The following ESCO2 variants were observed in gnomAD, a reference collection of about 807,000 sequenced individuals.
ESCO2 encodes the protein establishment of sister chromatid cohesion N-acetyltransferase 2, also known as N-acetyltransferase ESCO2.
Under a neutral mutation model 61.7 loss-of-function variants are expected in ESCO2, and 51 were observed. The observed-to-expected ratio is 0.83, with a 90% CI of 0.66 to 1.04. The LOEUF is 1.04. Among genes scored for constraint, ESCO2 ranks in the 50% least tolerant of loss-of-function variants. The probability of loss-of-function intolerance (pLI) is 0.00; values close to 1 mark genes in which losing one functional copy is unlikely to be tolerated. For missense variants in ESCO2, 692 were observed against 686.2 expected, an observed-to-expected ratio of 1.01 and a Z score of -0.09; for synonymous variants, 230 against 238.2, an observed-to-expected ratio of 0.97 and a Z score of 0.32.
At chr8:27,813,411 T>C (rs1391395794), downstream of ESCO2, among the ~76,000 whole-genome samples, 1 of 152,168 alleles carries the variant, frequency 6.6e-6, no homozygotes, top group Non-Finnish European at 1.5e-5. Context: ...TGTATACCTA[T>C]GTAACAAACC....
chr8:27,806,341 T>C (rs2128959845), downstream of ESCO2, among the ~76,000 whole-genome samples: 1 of 152,342 alleles, frequency 6.6e-6, no homozygotes, highest in South Asian at 2.1e-4. Flanking sequence ...TATTTCTGCC[T>C]GTGTATTCTT....
At position 27,780,223 on chromosome 8, in the gene ESCO2, A is replaced by G. The variant is rs760736611; in HGVS notation, c.911A>G (p.Asn304Ser). 2.5e-6 allele frequency: 4 copies of G among 1,612,670 alleles called. No individual in the cohort carries two copies. The highest frequency in any genetic ancestry group is 3.4e-6 in the Non-Finnish European group (4 of 1,179,064). The change falls in exon 4 of 11, where the codon AAT (asparagine) becomes AGT (serine). Residue 304 changes from asparagine to serine, a missense_variant. Transcript: ENST00000305188. Reference sequence around the variant, plus strand: ...TCAAAGGAACATAAAGTTGATAAAAATGAGGCTTTTTCTTCAGAGGATTCT... The same window carrying G: ...TCAAAGGAACATAAAGTTGATAAAAGTGAGGCTTTTTCTTCAGAGGATTCT... ...VSSKEHKVDK[N>S]EAFSSEDSLG...
At chr8:27,810,997 T>A (rs1413294010), downstream of ESCO2, 1 of 1,610,948 alleles carries the variant, frequency 6.2e-7, no homozygotes, top group Admixed American at 1.7e-5. Context: ...ATGTGTGGAA[T>A]CGATAAAGTC....
intron 5 of ESCO2, among the ~76,000 whole-genome samples, chr8:27,785,462 G>T (rs1380414946): frequency 6.6e-6 from 1 of 152,188 alleles, no homozygotes; most frequent in African/African-American, 2.4e-5. Context: ...AGCACTTTGG[G>T]AGGCCGAGGT....
rs1228161996 is a variant in ESCO2 at position 27,802,637 on chromosome 8, ATATATATATATATATATAT to A, written c.1674-650_1674-632del. Among the ~76,000 whole-genome samples, 99 of 59,104 alleles carry A rather than the reference ATATATATATATATATATAT, an allele frequency of 1.7e-3. No individual in the cohort carries two copies. In the South Asian group the frequency reaches 0.02, roughly 12 times the overall value. 38.8% of individuals were successfully genotyped at this position (59,104 alleles called of 152,430 possible). A position where few individuals can be genotyped will look rare whatever the true frequency, so the allele number is the denominator to read the frequency against. On this transcript the variant is annotated intron_variant, in intron 10 of 10. Coordinates refer to ENST00000305188, the MANE Select transcript of ESCO2 (RefSeq NM_001017420.3). Reference sequence around the variant, plus strand: ...AAAAAAAAAAAAAAAAAAAATATATATATATATATATATATATATTATATATATATATATATAGTTACTG... The same window carrying A: ...AAAAAAAAAAAAAAAAAAAATATATATATATATATATATATATAGTTACTG...
At position 27,776,613 on chromosome 8, in the gene ESCO2, T is replaced by TA. The variant is rs80359847; in HGVS notation, c.309dup (p.Glu104ArgfsTer3). On this transcript the variant is annotated frameshift_variant, in exon 3 of 11. Coordinates refer to ENST00000305188, the MANE Select transcript of ESCO2 (RefSeq NM_001017420.3). LOFTEE classifies it high-confidence loss of function. ...CTCAATCCACTGGAGAGAAAGCTGA[T>TA]AAAAGAGAGTAGATCTACTTGTCTA... 6.2e-7 allele frequency: 1 copy of TA among 1,614,042 alleles called. No individual in the cohort carries two copies. The highest frequency in any genetic ancestry group is 1.1e-5 in the South Asian group (1 of 91,072).
At chr8:27,816,372 TA>T (rs1805813845), downstream of ESCO2, among the ~76,000 whole-genome samples, 1 of 110,246 alleles carries the variant, frequency 9.1e-6, no homozygotes, top group African/African-American at 3.4e-5. Context: ...TTTATTTATT[TA>T]TTTATTTTAA....
rs1805525088 is a variant in ESCO2, at chr8:27,804,769, A to G, written c.*1331A>G. ...AAAGAATGTGGAAGTATTAAAATGT[A>G]TGTAATTATGCAAACATTTTAATGC... On this transcript the variant is annotated 3_prime_UTR_variant, in exon 11 of 11. Coordinates refer to ENST00000305188, the MANE Select transcript of ESCO2 (RefSeq NM_001017420.3). 1.0e-6 allele frequency: 1 copy of G among 983,120 alleles called. No individual in the cohort carries two copies. Among genetic ancestry groups the G allele is most frequent in the Non-Finnish European group, 1.2e-6 (1 of 827,856 alleles). 60.9% of individuals were successfully genotyped at this position (983,120 alleles called of 1,614,324 possible). A position where few individuals can be genotyped will look rare whatever the true frequency, so the allele number is the denominator to read the frequency against.
At chr8:27,803,199 C>G (rs917543675) in intron 10 of ESCO2, 107 bp from the exon 11 acceptor site, 5 of 990,612 alleles carry the variant, frequency 5.0e-6, no homozygotes, top group African/African-American at 1.6e-5. Context: ...TTTTCACTTA[C>G]TAAAAATAAG....
At chr8:27,814,074 A>G (rs1412598557), downstream of ESCO2, among the ~76,000 whole-genome samples, 1 of 152,172 alleles carries the variant, frequency 6.6e-6, no homozygotes, top group Admixed American at 6.5e-5. Flanking sequence ...GACCACAAAA[A>G]CAGACTGGGC....
downstream of ESCO2, chr8:27,809,516 T>C (rs912701683): frequency 1.3e-5 from 2 of 152,124 alleles, no homozygotes; most frequent in African/African-American, 4.8e-5. Flanking sequence ...CAAAACACTT[T>C]ATAGATTAGC....
chr8:27,804,059 C>G lies in ESCO2; in HGVS notation c.*621C>G, dbSNP rs1363708168. The stretch of plus-strand genomic sequence containing the variant: ...CTGACTTCTCTATACAGAGTCTTCA[C>G]TTGATAGGCACTCGTCTGTAGTAAC... On this transcript the variant is annotated 3_prime_UTR_variant, in exon 11 of 11. Transcript: ENST00000305188. The G allele has an allele frequency of 1.7e-5, 17 of 985,462 alleles. No homozygotes were observed. Among genetic ancestry groups the G allele is most frequent in the Non-Finnish European group, 2.0e-5 (17 of 830,062 alleles). The allele number at this position is 985,462 out of a possible 1,614,324, so 61.0% of individuals were successfully genotyped here. A position where few individuals can be genotyped will look rare whatever the true frequency, so the allele number is the denominator to read the frequency against.
chr8:27,801,125 A>T (rs1017727807), intron 10 of ESCO2, among the ~76,000 whole-genome samples: 2 of 152,220 alleles, frequency 1.3e-5, no homozygotes, highest in African/African-American at 4.8e-5. Flanking sequence ...ATGAGTGTCC[A>T]GTTTTAATTC....
At chr8:27,817,549 CT>C, downstream of ESCO2, among the ~76,000 whole-genome samples, 1 of 144,814 alleles carries the variant, frequency 6.9e-6, no homozygotes, top group Non-Finnish European at 1.5e-5. Context: ...GGTTTTAACC[CT>C]GTTTTTTTTT....
intron 3 of ESCO2, chr8:27,778,675 G>T (rs1804855600): frequency 6.6e-6 from 1 of 152,144 alleles, no homozygotes. Context: ...TGTACCAAAT[G>T]AATGGTGACC....
downstream of ESCO2, among the ~76,000 whole-genome samples, chr8:27,816,908 G>A (rs1805826152): frequency 6.6e-6 from 1 of 151,946 alleles, no homozygotes; most frequent in South Asian, 2.1e-4. Context: ...CCCCTTATTG[G>A]TGGACATTCT....
chr8:27,788,559 A>G (rs149299120), intron 6 of ESCO2, among the ~76,000 whole-genome samples: 1 of 151,730 alleles, frequency 6.6e-6, no homozygotes, highest in Non-Finnish European at 1.5e-5. Flanking sequence ...GAGTCTCACC[A>G]TGTCGCCCAG....
chr8:27,786,845 A>G (rs948340668), intron 5 of ESCO2, among the ~76,000 whole-genome samples: 7 of 37,124 alleles, frequency 1.9e-4, no homozygotes, highest in African/African-American at 8.0e-4. Flanking sequence ...TGAACTTCTT[A>G]CTTTTGGTAC....
At chr8:27,818,924 T>C in the ESCO2 span, among the ~76,000 whole-genome samples, 4 of 152,172 alleles carry the variant, frequency 2.6e-5, no homozygotes, top group African/African-American at 9.7e-5. Context: ...ACAGCTGTGT[T>C]TTTTTCTAAA....
Sources: allele counts gnomAD v4.1 joint callset (sites outside exome capture counted in the v4.1 genomes callset), GRCh38; gene constraint gnomAD v4.1.1; transcripts MANE v1.5; gene names NCBI Gene and HGNC (gene_info 2026-07-23, HGNC 2026-07-21).